Variants in ZNF420 observed in about 807,000 individuals in gnomAD.
The protein encoded by ZNF420 is ATM and p53-associated KZNF protein.
Under a neutral mutation model 44.7 loss-of-function variants are expected in ZNF420, and 31 were observed. That is an observed-to-expected ratio of 0.69 (90% confidence interval 0.52 to 0.94). The LOEUF (loss-of-function observed/expected upper bound fraction) is 0.94. Among genes scored for constraint, ZNF420 ranks in the 40% least tolerant of loss-of-function variants. The probability of loss-of-function intolerance (pLI) is 0.00; values close to 1 mark genes in which losing one functional copy is unlikely to be tolerated. For missense variants in ZNF420, 681 were observed against 827.9 expected (o/e 0.82, Z 2.18); for synonymous variants, 245 against 267.4 (o/e 0.92, Z 0.82).
chr19:37,072,881 A>G (rs1457096345), intron 1 of ZNF420, among the ~76,000 whole-genome samples: 1 of 152,246 alleles, frequency 6.6e-6, no homozygotes, highest in African/African-American at 2.4e-5. Flanking sequence ...GAACATTTAA[A>G]AGGTATATGC....
chr19:37,123,726 C>T (rs982735241), intron 4 of ZNF420, among the ~76,000 whole-genome samples: 2 of 151,392 alleles, frequency 1.3e-5, no homozygotes, highest in Admixed American at 1.3e-4. Context: ...CCTCAGCCTC[C>T]CGAGTAGCTG....
In ZNF420 at chr19:37,128,178, G is replaced by T; in HGVS notation, c.1187G>T (p.Cys396Phe). The change falls in exon 5 of 5, where the codon TGT (cysteine) becomes TTT (phenylalanine). Residue 396 changes from cysteine (C) to phenylalanine (F), a missense_variant. This residue lies in a region of ZNF420 where 51 missense variants were observed against 106.8 expected (regional missense o/e 0.48). Coordinates refer to ENST00000337995, the MANE Select transcript of ZNF420 (RefSeq NM_144689.5). ...GAAAAGCCCTATGAATGTAAGGAAT[G>T]TGGAAAGATGTTTAGTCATGGCTCA... ...TNEKPYECKE[C>F]GKMFSHGSQL... 1 of 1,614,092 alleles carries T rather than the reference G, an allele frequency of 6.2e-7. No individual in the cohort carries two copies. Among genetic ancestry groups the T allele is most frequent in the South Asian group, 1.1e-5 (1 of 91,078 alleles).
chr19:37,096,667 A>G (rs11084874), intron 4 of ZNF420, among the ~76,000 whole-genome samples: 5,654 of 151,988 alleles, frequency 0.037, 364 homozygotes, highest in African/African-American at 0.13. Context: ...TATTTACTCC[A>G]TCTACTTTCT....
chr19:37,101,796 C>T (rs1362669906), intron 4 of ZNF420, among the ~76,000 whole-genome samples: 8 of 152,198 alleles, frequency 5.3e-5, no homozygotes, highest in African/African-American at 1.9e-4. Context: ...GTCCTGGTGG[C>T]CCAGATGGGT....
chr19:37,094,697 A>C (rs554590169), intron 4 of ZNF420, among the ~76,000 whole-genome samples: 1 of 152,324 alleles, frequency 6.6e-6, no homozygotes, highest in East Asian at 1.9e-4. Context: ...TGTGGCAATT[A>C]GTTGAGGTTC....
At chr19:37,116,243 G>A (rs570661705) in intron 4 of ZNF420, among the ~76,000 whole-genome samples, 6 of 151,628 alleles carry the variant, frequency 4.0e-5, no homozygotes, top group South Asian at 4.2e-4. Context: ...GATGGCACAC[G>A]CAGGGATTCC....
At chr19:37,069,582 T>C (rs965445754) in intron 1 of ZNF420, among the ~76,000 whole-genome samples, 9 of 152,064 alleles carry the variant, frequency 5.9e-5, no homozygotes, top group African/African-American at 2.2e-4. Flanking sequence ...TTAGATGAAA[T>C]CATCTAACAC....
At chr19:37,057,775 C>T (rs1967787197) in intron 1 of ZNF420, among the ~76,000 whole-genome samples, 1 of 152,164 alleles carries the variant, frequency 6.6e-6, no homozygotes, top group African/African-American at 2.4e-5. Context: ...GATGACCACA[C>T]TTCAGCCAAG....
chr19:37,107,128 G>A (rs1599690789), intron 4 of ZNF420: 2 of 152,314 alleles, frequency 1.3e-5, no homozygotes, highest in East Asian at 3.9e-4. Context: ...ACTGCAAAGA[G>A]GCCTTCCTCT....
chr19:37,106,440 C>A (rs1156682731), intron 4 of ZNF420, among the ~76,000 whole-genome samples: 1 of 152,116 alleles, frequency 6.6e-6, no homozygotes, highest in Non-Finnish European at 1.5e-5. Flanking sequence ...TTCTCTCATT[C>A]TTTTGAATCT....
chr19:37,092,709 G>T (rs1465231350), intron 4 of ZNF420: 3 of 140,036 alleles, frequency 2.1e-5, no homozygotes, highest in Admixed American at 1.4e-4. Flanking sequence ...GGGAGACTCT[G>T]TCTCAAAAAA....
chr19:37,107,447 C>T (rs1381064927), intron 4 of ZNF420: 1 of 152,332 alleles, frequency 6.6e-6, no homozygotes, highest in South Asian at 2.1e-4. Flanking sequence ...TGAGTCAACA[C>T]AGCACATGTC....
In ZNF420 at chr19:37,103,997, ATACTTT is replaced by A. The variant is rs909235053; in HGVS notation, c.136+12877_136+12882del. 6.4e-5 allele frequency among the ~76,000 whole-genome samples: 7 copies of A among 108,734 alleles called. No individual in the cohort carries two copies. In the South Asian group the frequency reaches 1.1e-3, roughly 17 times the overall value. 71.3% of individuals were successfully genotyped at this position (108,734 alleles called of 152,430 possible). ...TTTTTTGTCTTTTTTTTTTTTTATT[ATACTTT>A]AAGTTCTAGGGTACATGTGCACAAC... On this transcript the variant is annotated intron_variant, in intron 4 of 4. Coordinates refer to ENST00000337995, the MANE Select transcript of ZNF420 (RefSeq NM_144689.5).
chr19:37,013,298 C>G (rs1423992804), intron 1 of ZNF420, among the ~76,000 whole-genome samples: 1 of 152,180 alleles, frequency 6.6e-6, no homozygotes, highest in Admixed American at 6.5e-5. Context: ...ATTACAGGAG[C>G]CAGGCGCCTG....
intron 1 of ZNF420, among the ~76,000 whole-genome samples, chr19:37,020,073 C>T (rs1033698104): frequency 2.6e-5 from 4 of 152,070 alleles, no homozygotes; most frequent in African/African-American, 4.8e-5. Context: ...AAAAATGAGC[C>T]GGGCACAGTG....
At chr19:37,089,151 C>G (rs761263004) in intron 3 of ZNF420, 24 bp downstream of exon 3, 2 of 1,605,836 alleles carry the variant, frequency 1.2e-6, no homozygotes, top group East Asian at 2.2e-5. Context: ...TCCTTGTGCT[C>G]TTTTCACTTA....
At chr19:37,038,700 C>T (rs1288588043) in intron 1 of ZNF420, among the ~76,000 whole-genome samples, 1 of 152,132 alleles carries the variant, frequency 6.6e-6, no homozygotes, top group Non-Finnish European at 1.5e-5. Context: ...GGCCTGTAAT[C>T]CCAGCACTTT....
intron 1 of ZNF420, among the ~76,000 whole-genome samples, chr19:37,015,620 C>G (rs1253618352): frequency 6.6e-6 from 1 of 152,038 alleles, no homozygotes; most frequent in Non-Finnish European, 1.5e-5. Context: ...GGTGAGGATA[C>G]AGTCTGATGA....
intron 4 of ZNF420, among the ~76,000 whole-genome samples, chr19:37,121,403 G>T (rs1295023448): frequency 1.3e-5 from 2 of 148,580 alleles, no homozygotes; most frequent in African/African-American, 5.0e-5. Context: ...AAATGGTGCT[G>T]GGAAAACTGG....
Sources: gnomAD v4.1 joint callset for allele counts (sites outside exome capture counted in the v4.1 genomes callset) on GRCh38, gnomAD v4.1.1 for gene constraint, gnomAD v4.1.1 regional missense constraint, MANE v1.5 for transcripts, NCBI Gene and HGNC (gene_info 2026-07-23, HGNC 2026-07-21) for gene names.